Variants in LRBA observed in about 807,000 individuals in gnomAD.
LRBA encodes the protein LPS responsive beige-like anchor protein.
Under a neutral mutation model 330.0 loss-of-function variants are expected in LRBA, and 176 were observed. The ratio of observed to expected loss-of-function variants is 0.53; its 90% CI spans 0.47 to 0.60. The LOEUF is 0.60. LRBA is among the 20% of genes least tolerant of loss of function. The pLI, the probability that LRBA is intolerant of heterozygous loss-of-function variation, is 0.00. For missense variants in LRBA, 3,259 were observed against 3,444.8 expected (o/e 0.95, Z 1.35); for synonymous variants, 1,230 against 1,193.0 (o/e 1.03, Z -0.64).
chr4:150,987,955 T>C (rs1295549310), intron 2 of LRBA, among the ~76,000 whole-genome samples: 4 of 144,392 alleles, frequency 2.8e-5, no homozygotes, highest in African/African-American at 5.2e-5. Context: ...TTAGCAGAGA[T>C]CACACAACTT....
At chr4:150,418,486 A>T (rs1031235259) in intron 46 of LRBA, among the ~76,000 whole-genome samples, 5 of 152,196 alleles carry the variant, frequency 3.3e-5, no homozygotes, top group African/African-American at 1.2e-4. Flanking sequence ...CATAATATCT[A>T]TCATGCTGGG....
chr4:150,552,727 G>T (rs996988298), intron 40 of LRBA, among the ~76,000 whole-genome samples: 2 of 152,100 alleles, frequency 1.3e-5, no homozygotes, highest in African/African-American at 2.4e-5. Flanking sequence ...ACTCACAATA[G>T]TAAAGACTTG....
chr4:151,008,435 G>T (rs1038867042), intron 2 of LRBA, among the ~76,000 whole-genome samples: 2 of 151,886 alleles, frequency 1.3e-5, no homozygotes, highest in Non-Finnish European at 2.9e-5. Context: ...GCTATACTGG[G>T]GACATTGGTT....
At chr4:150,390,195 G>T (rs555949504) in intron 47 of LRBA, among the ~76,000 whole-genome samples, 24 of 152,238 alleles carry the variant, frequency 1.6e-4, no homozygotes, top group African/African-American at 5.5e-4. Flanking sequence ...ATATAAAAAA[G>T]AGTTACAGGT....
chr4:150,436,873 AGGGAGGG>A lies in LRBA; in HGVS notation c.6781-16_6781-10del. The A allele has an allele frequency of 6.2e-7, 1 of 1,613,028 alleles. No individual in the cohort carries two copies. The highest frequency in any genetic ancestry group is 8.5e-7 in the Non-Finnish European group (1 of 1,179,392). ...TTCAGAGCTCCTATTGGCTGCCAATAGGGAGGGAAAAAACAAAGAATACATCAATGTA... is the reference window on the plus strand; with the variant it reads ...TTCAGAGCTCCTATTGGCTGCCAATAAAAAAACAAAGAATACATCAATGTA... On this transcript the variant is annotated splice_polypyrimidine_tract_variant and intron_variant, in intron 44 of 56. Coordinates refer to ENST00000651943, the MANE Select transcript of LRBA (RefSeq NM_001364905.1).
At chr4:150,797,184 A>AATTTGGCAT (rs1740905537) in intron 34 of LRBA, among the ~76,000 whole-genome samples, 1 of 151,942 alleles carries the variant, frequency 6.6e-6, no homozygotes, top group African/African-American at 2.4e-5. Flanking sequence ...AGTCTAAATA[A>AATTTGGCAT]ATTTGGCATA....
intron 37 of LRBA, among the ~76,000 whole-genome samples, chr4:150,603,723 C>T (rs928133762): frequency 6.6e-6 from 1 of 152,106 alleles, no homozygotes; most frequent in Non-Finnish European, 1.5e-5. Flanking sequence ...TGGTTTCGAA[C>T]TCTTGGCCTC....
chr4:150,394,921 A>T (rs1205543907), intron 47 of LRBA, among the ~76,000 whole-genome samples: 1 of 152,184 alleles, frequency 6.6e-6, no homozygotes, highest in East Asian at 1.9e-4. Flanking sequence ...GTCATGGCTT[A>T]AATGCAGGAG....
chr4:150,447,445 G>A (rs1303365337), intron 44 of LRBA, among the ~76,000 whole-genome samples: 2 of 152,128 alleles, frequency 1.3e-5, no homozygotes, highest in African/African-American at 4.8e-5. Flanking sequence ...TGCTGAAGCT[G>A]AGACAGCTCA....
intron 44 of LRBA, among the ~76,000 whole-genome samples, chr4:150,458,970 AT>A (rs1754423894): frequency 6.6e-6 from 1 of 151,974 alleles, no homozygotes; most frequent in South Asian, 2.1e-4. Flanking sequence ...GACTGAGCAT[AT>A]AGACCATAAG....
At chr4:150,758,069 T>A (rs1734555954) in intron 35 of LRBA, among the ~76,000 whole-genome samples, 1 of 152,200 alleles carries the variant, frequency 6.6e-6, no homozygotes, top group Non-Finnish European at 1.5e-5. Flanking sequence ...AGCAGGAGTA[T>A]TAGCATTTGT....
chr4:150,753,895 AACTCTACAAAATGT>A (rs1171960791), intron 35 of LRBA, among the ~76,000 whole-genome samples: 8 of 152,020 alleles, frequency 5.3e-5, no homozygotes, highest in Admixed American at 3.9e-4. Context: ...GCAAAACACC[AACTCTACAAAATGT>A]ACAAAAATTA....
At chr4:150,514,772 T>C (rs1762168562) in intron 40 of LRBA, among the ~76,000 whole-genome samples, 1 of 152,218 alleles carries the variant, frequency 6.6e-6, no homozygotes, top group Non-Finnish European at 1.5e-5. Flanking sequence ...CCGAAGTATA[T>C]TAACTTATCC....
rs766702450 is a variant in LRBA, at chr4:150,906,347, G to C, written c.1552C>G (p.Gln518Glu). ...LLKNSIAMQE[Q>E]MLACKGFLVI... The stretch of plus-strand genomic sequence containing the variant: ...AAGAAGCCCTTACAGGCAAGCATCT[G>C]TTCCTGCATAGCAATTGAGTTCTTC... The change falls in exon 12 of 57, where the codon CAG (glutamine) becomes GAG (glutamate). Residue 518 changes from glutamine (Q) to glutamate (E), a missense_variant. By Grantham distance (29) the Gln-to-Glu change is conservative (BLOSUM62 2). Coordinates refer to ENST00000651943, the MANE Select transcript of LRBA (RefSeq NM_001364905.1). The C allele has an allele frequency of 2.6e-5, 42 of 1,612,504 alleles. No homozygotes were observed. In the East Asian group the frequency reaches 5.6e-4, roughly 21 times the overall value.
chr4:150,271,435 C>G (rs999391440), intron 56 of LRBA, among the ~76,000 whole-genome samples: 3 of 151,394 alleles, frequency 2.0e-5, no homozygotes, highest in South Asian at 2.1e-4. Flanking sequence ...GGTCCCACTC[C>G]CATGGAGCCC....
At chr4:150,750,461 C>A (rs1733376436) in intron 35 of LRBA, among the ~76,000 whole-genome samples, 1 of 152,154 alleles carries the variant, frequency 6.6e-6, no homozygotes, top group African/African-American at 2.4e-5. Context: ...CAATTCTATC[C>A]TATAAAGACC....
chr4:150,573,831 T>A (rs1210017503), intron 40 of LRBA, among the ~76,000 whole-genome samples: 1 of 152,194 alleles, frequency 6.6e-6, no homozygotes, highest in African/African-American at 2.4e-5. Flanking sequence ...AACTTTCCTT[T>A]GTTTAGTGAC....
Position 150,303,764 on chromosome 4 carries a change from G to A in LRBA, c.7850-972C>T, listed in dbSNP as rs572209508. ...AATTTTTTGTATTTTTAGTAGAGACGGGGTTTCACTGTGTTAGCCAGGATG... is the reference window on the plus strand; with the variant it reads ...AATTTTTTGTATTTTTAGTAGAGACAGGGTTTCACTGTGTTAGCCAGGATG... On this transcript the variant is annotated intron_variant, in intron 52 of 56. Coordinates refer to ENST00000651943, the MANE Select transcript of LRBA (RefSeq NM_001364905.1). Among the ~76,000 whole-genome samples, 6 of 152,010 alleles carry A rather than the reference G, an allele frequency of 3.9e-5. No individual in the cohort carries two copies. The South Asian group carries it at 6.2e-4, about 16-fold the overall frequency.
intron 56 of LRBA, 112 bp from the exon 57 acceptor site, chr4:150,265,924 C>T: frequency 1.4e-6 from 1 of 697,054 alleles, no homozygotes; most frequent in Admixed American, 2.2e-5. Context: ...GCAGTGAAGG[C>T]TCCAATTTGT....
Sources: allele counts gnomAD v4.1 joint callset (sites outside exome capture counted in the v4.1 genomes callset), GRCh38; gene constraint gnomAD v4.1.1; transcripts MANE v1.5; gene names NCBI Gene and HGNC (gene_info 2026-07-23, HGNC 2026-07-21).